The following ATRX variants were observed in gnomAD, a reference collection of about 807,000 sequenced individuals.
ATRX encodes the protein ATRX chromatin remodeler, also known as chromatin remodeler ATRX.
ATRX carries 12 observed loss-of-function variants against 172.6 expected under a neutral mutation model. That is an observed-to-expected ratio of 0.07 (90% CI 0.04 to 0.11). The LOEUF (loss-of-function observed/expected upper bound fraction) is 0.11, where lower values mean the gene tolerates loss of function less well. Among genes scored for constraint, ATRX ranks in the 10% least tolerant of loss-of-function variants. The pLI is 1.00. For synonymous variants in ATRX, 674 were observed against 594.7 expected (o/e 1.13, Z -1.94); for missense variants, 1,368 against 1,767.4 (o/e 0.77, Z 4.05).
At chrX:77,616,799 T>C in intron 21 of ATRX, 69 bp from the exon 22 acceptor site, 1 of 771,479 alleles carries the variant, frequency 1.3e-6, no homozygotes. Context: ...CAAGTTCTCA[T>C]TGCTTATAAC....
intron 2 of ATRX, among the ~76,000 whole-genome samples, chrX:77,705,719 A>C (rs1432070962): frequency 8.9e-6 from 1 of 112,133 alleles, no homozygotes; most frequent in Non-Finnish European, 1.9e-5. Flanking sequence ...ACCAAGAAAA[A>C]ACAAAGAGTT....
At chrX:77,552,300 C>A (rs1179961678) in intron 30 of ATRX, among the ~76,000 whole-genome samples, 9 of 109,955 alleles carry the variant, frequency 8.2e-5, no homozygotes, top group Non-Finnish European at 1.7e-4. Context: ...TGATGAGTTC[C>A]TGTCCTTTGT....
chrX:77,658,027 A>T (rs923816665), intron 12 of ATRX, among the ~76,000 whole-genome samples: 5 of 110,586 alleles, frequency 4.5e-5, no homozygotes, highest in Non-Finnish European at 9.5e-5. Flanking sequence ...TGGGCAACAT[A>T]GGGAGATTCT....
At chrX:77,671,323 T>C (rs1442355220) in intron 10 of ATRX, among the ~76,000 whole-genome samples, 1 of 104,378 alleles carries the variant, frequency 9.6e-6, no homozygotes, top group Non-Finnish European at 2.0e-5. Flanking sequence ...TCCTACAATG[T>C]GGGTAGTTAA....
intron 1 of ATRX, among the ~76,000 whole-genome samples, chrX:77,727,525 T>G: frequency 9.0e-6 from 1 of 111,195 alleles, no homozygotes; most frequent in Non-Finnish European, 1.9e-5. Context: ...GTTCATATAT[T>G]TTGCAGGGAC....
At chrX:77,543,393 A>G (rs894299577) in intron 30 of ATRX, among the ~76,000 whole-genome samples, 1 of 112,081 alleles carries the variant, frequency 8.9e-6, no homozygotes, top group Non-Finnish European at 1.9e-5. Flanking sequence ...ATGGAAGACA[A>G]TGTGGCGATT....
intron 22 of ATRX, among the ~76,000 whole-genome samples, chrX:77,613,289 T>C (rs1199858378): frequency 9.1e-6 from 1 of 110,134 alleles, no homozygotes; most frequent in Non-Finnish European, 1.9e-5. Context: ...GCCACCACAA[T>C]GGGTGTGAAA....
intron 10 of ATRX, among the ~76,000 whole-genome samples, chrX:77,670,663 G>A (rs1196581519): frequency 1.8e-5 from 2 of 108,972 alleles, no homozygotes; most frequent in Non-Finnish European, 3.8e-5. Flanking sequence ...GCTGAGGCAA[G>A]TGAATCACCT....
At chrX:77,671,309 C>G (rs2070602970) in intron 10 of ATRX, among the ~76,000 whole-genome samples, 1 of 103,179 alleles carries the variant, frequency 9.7e-6, no homozygotes, top group African/African-American at 3.5e-5. Context: ...TTTTTAGTCG[C>G]AAATCCTACA....
intron 12 of ATRX, among the ~76,000 whole-genome samples, chrX:77,659,238 TAAA>T (rs1161514560): frequency 2.8e-5 from 3 of 107,681 alleles, no homozygotes; most frequent in Admixed American, 1.0e-4. Flanking sequence ...ACCACAATAA[TAAA>T]AAAAAAGAAT....
rs45613138 is a variant in ATRX, at chrX:77,630,752, A to C, written c.5134+2455T>G. Among the ~76,000 whole-genome samples the C allele has an allele frequency of 7.3e-3, 819 of 112,086 alleles. 4 individuals are homozygous for C. The highest frequency in any genetic ancestry group is 0.012 in the Non-Finnish European group (648 of 53,159). On this transcript the variant is annotated intron_variant, in intron 19 of 34. Transcript: ENST00000373344. The stretch of plus-strand genomic sequence containing the variant: ...AAAATAAACTGAAAATAGATCATAA[A>C]CATAAATACAAGAGCTAGAACTATA...
intron 19 of ATRX, 49 bp downstream of exon 19, chrX:77,633,158 A>AT (rs1736849691): frequency 1.8e-6 from 2 of 1,120,227 alleles, no homozygotes; most frequent in Middle Eastern, 2.5e-4. Context: ...ATATAAACAC[A>AT]TTTTTTATTC....
chrX:77,511,225 G>C (rs2062857789), intron 34 of ATRX, among the ~76,000 whole-genome samples: 1 of 112,022 alleles, frequency 8.9e-6, no homozygotes, highest in Non-Finnish European at 1.9e-5. Flanking sequence ...AAGACTACAA[G>C]AGTCACAGCA....
intron 22 of ATRX, among the ~76,000 whole-genome samples, chrX:77,600,981 A>C (rs1017799768): frequency 9.0e-6 from 1 of 111,535 alleles, no homozygotes; most frequent in Admixed American, 9.5e-5. Context: ...GCCTCTATTC[A>C]TCACTGGGAA....
intron 19 of ATRX, among the ~76,000 whole-genome samples, chrX:77,620,940 A>G (rs1557099617): frequency 8.9e-6 from 1 of 112,454 alleles, no homozygotes; most frequent in Non-Finnish European, 1.9e-5. Flanking sequence ...AGCAATGTAT[A>G]TATACATGAA....
At position 77,677,396 on chromosome X, in the gene ATRX, G is replaced by C. The variant is rs1402203303; in HGVS notation, c.3737-1098C>G. On this transcript the variant is annotated intron_variant, in intron 9 of 34. Transcript: ENST00000373344. ...ATAAAGAACAGATTACTAGTTGCCAGATGTCAGGAATGGAGGTAAGGACAG... is the reference window on the plus strand; with the variant it reads ...ATAAAGAACAGATTACTAGTTGCCACATGTCAGGAATGGAGGTAAGGACAG... Among the ~76,000 whole-genome samples the C allele has an allele frequency of 3.6e-5, 4 of 111,820 alleles. No individual in the cohort carries two copies. The Admixed American group carries it at 3.8e-4, about 11-fold the overall frequency.
chrX:77,510,847 G>C (rs905366939), intron 34 of ATRX, among the ~76,000 whole-genome samples: 12 of 112,536 alleles, frequency 1.1e-4, no homozygotes, highest in Admixed American at 6.5e-4. Context: ...TCTTGGGATC[G>C]GCCTAGGGCT....
chrX:77,719,618 C>A (rs1204125044), intron 1 of ATRX, among the ~76,000 whole-genome samples: 1 of 111,101 alleles, frequency 9.0e-6, no homozygotes, highest in Non-Finnish European at 1.9e-5. Flanking sequence ...GGGATCAAAG[C>A]AACGAGAAGA....
chrX:77,579,510 T>C (rs782420557), intron 27 of ATRX, among the ~76,000 whole-genome samples: 10 of 107,598 alleles, frequency 9.3e-5, no homozygotes, highest in Non-Finnish European at 1.7e-4. Flanking sequence ...CATCTGGTAA[T>C]GCAGACAATT....
Sources: gnomAD v4.1 joint callset for allele counts (sites outside exome capture counted in the v4.1 genomes callset) on GRCh38, gnomAD v4.1.1 for gene constraint, MANE v1.5 for transcripts, NCBI Gene and HGNC (gene_info 2026-07-23, HGNC 2026-07-21) for gene names.